HDHD5: variants seen among roughly 807,000 people sequenced by gnomAD.
HDHD5 encodes haloacid dehalogenase-like hydrolase domain-containing 5.
HDHD5 carries 34 observed loss-of-function variants against 35.5 expected under a neutral mutation model. The ratio of observed to expected loss-of-function variants is 0.96; its 90% CI spans 0.73 to 1.28. The LOEUF (loss-of-function observed/expected upper bound fraction) is 1.28, where lower values mean the gene tolerates loss of function less well. HDHD5 is among the 50% of genes most tolerant of loss of function. The probability of loss-of-function intolerance (pLI) is 0.00; values close to 1 mark genes in which losing one functional copy is unlikely to be tolerated. For synonymous variants in HDHD5, 248 were observed against 240.6 expected (o/e 1.03, Z -0.29); for missense variants, 589 against 560.2 (o/e 1.05, Z -0.52).
At chr22:17,141,693 C>G (rs999674049) in intron 5 of HDHD5, 1 of 865,992 alleles carries the variant, frequency 1.2e-6, no homozygotes, top group Non-Finnish European at 1.4e-6. Context: ...TCCACCGATT[C>G]TCCTGTATGA....
chr22:17,159,470 T>G, upstream of HDHD5: 2 of 525,964 alleles, frequency 3.8e-6, no homozygotes, highest in East Asian at 6.4e-5. Context: ...TAGACCGAGA[T>G]CGCGGTGAGC....
At chr22:17,160,567 T>C (rs2061855920), upstream of HDHD5, among the ~76,000 whole-genome samples, 1 of 151,364 alleles carries the variant, frequency 6.6e-6, no homozygotes, top group Admixed American at 6.6e-5. Flanking sequence ...GAGAATCGCT[T>C]GAACCCAGGC....
Position 17,152,655 on chromosome 22 carries a change from G to A in HDHD5, c.127-2910C>T, listed in dbSNP as rs549895567. Among the ~76,000 whole-genome samples, 14 of 152,134 alleles carry A rather than the reference G, an allele frequency of 9.2e-5. No individual in the cohort carries two copies. In the East Asian group the frequency reaches 1.4e-3, roughly 15 times the overall value. ...GGAGATGAAAATTTTGGAAGGTCTC[G>A]CCTCTCAGAGAACCAGGAAGAACAA... On this transcript the variant is annotated intron_variant, in intron 1 of 7. Transcript: ENST00000336737.
At chr22:17,158,000 C>CA (rs1213598857) in intron 1 of HDHD5, among the ~76,000 whole-genome samples, 8 of 152,158 alleles carry the variant, frequency 5.3e-5, no homozygotes, top group Admixed American at 5.2e-4. Flanking sequence ...GTGCCTGGCA[C>CA]AAAGTAAGCA....
At position 17,152,726 on chromosome 22, in the gene HDHD5, T is replaced by C. The variant is rs528897384; in HGVS notation, c.127-2981A>G. Among the ~76,000 whole-genome samples, 4 of 151,836 alleles carry C rather than the reference T, an allele frequency of 2.6e-5. No homozygotes were observed. In the South Asian group the frequency reaches 8.4e-4, roughly 32 times the overall value. On this transcript the variant is annotated intron_variant, in intron 1 of 7. Transcript: ENST00000336737. ...CACAAGACCTGCCAGCAAAAGACAG[T>C]GCAAGGAGGAAAACCAAGAGCGTGT...
chr22:17,144,224 C>T (rs1481682746), intron 4 of HDHD5, among the ~76,000 whole-genome samples: 2 of 151,958 alleles, frequency 1.3e-5, no homozygotes, highest in African/African-American at 2.4e-5. Context: ...ACAGAGAGGA[C>T]AGGGCATAAA....
At chr22:17,139,705 T>C (rs1406038324) in intron 6 of HDHD5, among the ~76,000 whole-genome samples, 13 of 152,094 alleles carry the variant, frequency 8.5e-5, no homozygotes, top group African/African-American at 3.1e-4. Context: ...TCCGAGTAGC[T>C]GGGATTACAG....
At chr22:17,159,398 A>C, upstream of HDHD5, 1 of 896,558 alleles carries the variant, frequency 1.1e-6, no homozygotes, top group Non-Finnish European at 1.6e-6. Flanking sequence ...CGCCTATGGA[A>C]CTCGACCCGC....
chr22:17,155,925 C>T (rs1237213684), intron 1 of HDHD5, among the ~76,000 whole-genome samples: 1 of 152,168 alleles, frequency 6.6e-6, no homozygotes, highest in Non-Finnish European at 1.5e-5. Flanking sequence ...GTGAAGGGTT[C>T]AGCAGCTTTT....
chr22:17,154,767 T>C (rs4819562), intron 1 of HDHD5, among the ~76,000 whole-genome samples: 132,961 of 151,362 alleles, frequency 0.88, 58,563 homozygotes, highest in African/African-American at 0.93. Context: ...GGACTACAAG[T>C]ATGTGCCACC....
intron 1 of HDHD5, among the ~76,000 whole-genome samples, chr22:17,153,160 A>G (rs5994180): frequency 0.098 from 14,977 of 152,220 alleles, 1,189 homozygotes; most frequent in African/African-American, 0.22. Flanking sequence ...ACATGTAACA[A>G]AGGCATTTTT....
At chr22:17,141,496 C>T in intron 5 of HDHD5, 2 of 1,301,832 alleles carry the variant, frequency 1.5e-6, no homozygotes, top group Non-Finnish European at 1.9e-6. Flanking sequence ...GGTTACAAAA[C>T]AAAAGCAGCA....
At chr22:17,144,202 A>T (rs2061631351) in intron 4 of HDHD5, among the ~76,000 whole-genome samples, 1 of 152,040 alleles carries the variant, frequency 6.6e-6, no homozygotes, top group South Asian at 2.1e-4. Context: ...TTCCCAGCTA[A>T]TTATAAGCAA....
In HDHD5 at chr22:17,138,620, C is replaced by T. The variant is rs1601373385; in HGVS notation, c.865G>A (p.Glu289Lys). 3 of 1,614,226 alleles carry T rather than the reference C, an allele frequency of 1.9e-6. No individual in the cohort carries two copies. Among genetic ancestry groups the T allele is most frequent in the Non-Finnish European group, 2.5e-6 (3 of 1,180,030 alleles). Reference protein sequence around the residue: ...KPSILTYQYAEDLIRRQAERR... With the variant: ...KPSILTYQYAKDLIRRQAERR... ...TCCGCCTGTCGCCTGATCAGGTCCT[C>T]GGCATACTGGTAAGTGAGGATGCTG... The change falls in exon 7 of 8, where the codon GAG becomes AAG. Residue 289 changes from glutamate to lysine, a missense_variant. Glu to Lys is a moderately conservative substitution (Grantham distance 56). Transcript: ENST00000336737.
rs1217840878 is a variant in HDHD5 at position 17,138,271 on chromosome 22, C to T, written c.1022G>A (p.Gly341Glu). The change falls in exon 8 of 8, where the codon GGG (glycine) becomes GAG (glutamate). Residue 341 changes from glycine to glutamate, a missense_variant. By Grantham distance (98) the Gly-to-Glu change is moderately conservative. Coordinates refer to ENST00000336737, the MANE Select transcript of HDHD5 (RefSeq NM_033070.3). ...CTGTTGCTGCCGTGTGCCCCCGGCC[C>T]CTAGTTCTGGCGCCCCATCATGCGT... is the stretch of plus-strand genomic sequence containing the variant. ...KATHDGAPEL[G>E]AGGTRQQQPS... 6.2e-7 allele frequency: 1 copy of T among 1,614,186 alleles called. No individual in the cohort carries two copies. The highest frequency in any genetic ancestry group is 1.3e-5 in the African/African-American group (1 of 75,038).
chr22:17,155,197 G>A (rs868325412), intron 1 of HDHD5, among the ~76,000 whole-genome samples: 15 of 151,376 alleles, frequency 9.9e-5, no homozygotes, highest in African/African-American at 3.4e-4. Context: ...TAGTTTTAAC[G>A]GTCATTGCCT....
chr22:17,141,172 G>T lies in HDHD5; in HGVS notation c.633C>A (p.Val211=), dbSNP rs547427572. 6.9e-6 allele frequency: 11 copies of T among 1,597,714 alleles called. No individual in the cohort carries two copies. The African/African-American group carries it at 1.4e-4, about 20-fold the overall frequency. ...WETSLQLIMD[V]LLSNGSPGAG... is the part of the protein sequence containing the mutation. ...CCCCAGGGCTCCCATTGCTGAGGAG[G>T]ACATCCATGATCAGCTGCAGGCTGG... The change falls in exon 6 of 8, where the codon GTC becomes GTA. Residue 211 remains valine, a synonymous_variant. Coordinates refer to ENST00000336737, the MANE Select transcript of HDHD5 (RefSeq NM_033070.3).
chr22:17,151,266 T>A (rs1259549774), intron 1 of HDHD5, among the ~76,000 whole-genome samples: 6 of 152,260 alleles, frequency 3.9e-5, no homozygotes, highest in African/African-American at 1.4e-4. Context: ...TCATTCCATT[T>A]CTCATTTTAT....
intron 4 of HDHD5, among the ~76,000 whole-genome samples, chr22:17,144,471 T>C (rs968603685): frequency 6.8e-6 from 1 of 147,168 alleles, no homozygotes; most frequent in Non-Finnish European, 1.5e-5. Context: ...TGGAGTGCAA[T>C]GGTGTGATGT....
Sources: gnomAD v4.1 joint callset for allele counts (sites outside exome capture counted in the v4.1 genomes callset) on GRCh38, gnomAD v4.1.1 for gene constraint, MANE v1.5 for transcripts, NCBI Gene and HGNC (gene_info 2026-07-23, HGNC 2026-07-21) for gene names.